ZHX3: variants seen among roughly 807,000 people sequenced by gnomAD.
ZHX3 encodes the protein zinc fingers and homeoboxes 3.
ZHX3 carries 20 observed loss-of-function variants against 64.5 expected under a neutral mutation model. The observed-to-expected ratio is 0.31, with a 90% CI of 0.22 to 0.45. ZHX3 has a LOEUF of 0.45. Ranked by LOEUF, ZHX3 falls within the 20% of genes least tolerant of loss-of-function variation. The probability of loss-of-function intolerance (pLI) is 1.00; values close to 1 mark genes in which losing one functional copy is unlikely to be tolerated. For synonymous variants in ZHX3, 423 were observed against 461.6 expected, an observed-to-expected ratio of 0.92 and a Z score of 1.07; for missense variants, 1,041 against 1,195.8, an observed-to-expected ratio of 0.87 and a Z score of 1.91.
intron 3 of ZHX3, among the ~76,000 whole-genome samples, chr20:41,191,223 T>C (rs1179805168): frequency 7.2e-6 from 1 of 139,470 alleles, no homozygotes; most frequent in Non-Finnish European, 1.5e-5. Context: ...CTTTGCTCAT[T>C]TTTTATTCTT....
intron 2 of ZHX3, among the ~76,000 whole-genome samples, chr20:41,263,719 GAAAT>G (rs2042681628): frequency 6.6e-6 from 1 of 151,972 alleles, no homozygotes; most frequent in South Asian, 2.1e-4. Flanking sequence ...TTTTAAAAAA[GAAAT>G]AAATTAGATA....
In ZHX3 at chr20:41,232,775, C is replaced by T. The variant is rs1035977791; in HGVS notation, c.-150-27709G>A. On this transcript the variant is annotated intron_variant, in intron 2 of 3. Coordinates refer to ENST00000683867, the MANE Select transcript of ZHX3 (RefSeq NM_001384317.1). The surrounding 1 kb of genome is among the most constrained non-coding windows in gnomAD (Gnocchi z 5.0). ...TAATTTTTTGTATTTTTAGTAGAGA[C>T]GGGGTTTCACCGTGTTAGCCAGGAT... Among the ~76,000 whole-genome samples, 8 of 151,794 alleles carry T rather than the reference C, an allele frequency of 5.3e-5. No homozygotes were observed. The highest frequency in any genetic ancestry group is 3.9e-4 in the East Asian group (2 of 5,170).
chr20:41,218,923 G>GTTTT (rs888061526), intron 2 of ZHX3, among the ~76,000 whole-genome samples: 202 of 92,584 alleles, frequency 2.2e-3, no homozygotes, highest in Non-Finnish European at 2.3e-3. Flanking sequence ...AAACAGTGCT[G>GTTTT]TTTTTTTTTT....
At chr20:41,225,082 T>C (rs1293157253) in intron 2 of ZHX3, among the ~76,000 whole-genome samples, 1 of 152,238 alleles carries the variant, frequency 6.6e-6, no homozygotes, top group Admixed American at 6.5e-5. Flanking sequence ...AAACGGTAGC[T>C]GATAATGGAG....
At chr20:41,192,442 C>T (rs1053160668) in intron 3 of ZHX3, among the ~76,000 whole-genome samples, 1 of 152,226 alleles carries the variant, frequency 6.6e-6, no homozygotes, top group African/African-American at 2.4e-5. Context: ...AGTGGCAGTG[C>T]TGTACTACTA....
intron 2 of ZHX3, among the ~76,000 whole-genome samples, chr20:41,266,086 G>C (rs1361048843): frequency 1.3e-5 from 2 of 152,192 alleles, no homozygotes; most frequent in African/African-American, 4.8e-5. Context: ...CTGCATACCT[G>C]TATGAGGTCA....
At chr20:41,265,704 T>G (rs2042810576) in intron 2 of ZHX3, among the ~76,000 whole-genome samples, 1 of 152,180 alleles carries the variant, frequency 6.6e-6, no homozygotes. Context: ...TGAGGTGATT[T>G]TAATGTGTAG....
chr20:41,237,529 C>G (rs920774926), intron 2 of ZHX3, among the ~76,000 whole-genome samples: 1 of 152,078 alleles, frequency 6.6e-6, no homozygotes, highest in Non-Finnish European at 1.5e-5. Context: ...AACCAAACAC[C>G]GCATGTTCTC....
In ZHX3 at chr20:41,231,573, A is replaced by T. The variant is rs556192711; in HGVS notation, c.-150-26507T>A. Among the ~76,000 whole-genome samples the T allele has an allele frequency of 4.6e-5, 7 of 152,304 alleles. 1 individual carries two copies. In the South Asian group the frequency reaches 1.5e-3, roughly 32 times the overall value. On this transcript the variant is annotated intron_variant, in intron 2 of 3. Coordinates refer to ENST00000683867, the MANE Select transcript of ZHX3 (RefSeq NM_001384317.1). Reference sequence around the variant, plus strand: ...ACATTCTACCTTATAATTTTTTTGTATGTGGCTGACTTTCTCTCCAGATTG... The same window carrying T: ...ACATTCTACCTTATAATTTTTTTGTTTGTGGCTGACTTTCTCTCCAGATTG...
chr20:41,299,674 C>T (rs982126397), intron 1 of ZHX3, among the ~76,000 whole-genome samples: 1 of 152,028 alleles, frequency 6.6e-6, no homozygotes, highest in Non-Finnish European at 1.5e-5. Flanking sequence ...CCAGCTTTGC[C>T]AACACGGCGA....
chr20:41,291,252 T>C (rs551041784), intron 1 of ZHX3, among the ~76,000 whole-genome samples: 3 of 152,222 alleles, frequency 2.0e-5, no homozygotes, highest in East Asian at 1.9e-4. Context: ...GTAATCCATA[T>C]AGAAAGAGAA....
chr20:41,199,702 CTTTTT>C (rs34316877), intron 3 of ZHX3, among the ~76,000 whole-genome samples: 1 of 136,752 alleles, frequency 7.3e-6, no homozygotes. Flanking sequence ...TCAAAAAACT[CTTTTT>C]TTTTTTTTTT....
Position 41,185,226 on chromosome 20 carries a change from A to AC in ZHX3, c.2861-26dup. On this transcript the variant is annotated intron_variant, in intron 3 of 3. Coordinates refer to ENST00000683867, the MANE Select transcript of ZHX3 (RefSeq NM_001384317.1). This position sits in a 1 kb window ranked among gnomAD's most constrained non-coding sequence, Gnocchi z 5.0. ...TCTGAGAAGAAAACACATGCCTGTC[A>AC]CTCTACGGCAGCTGCCACCACCTGC... 1 of 1,586,096 alleles carries AC rather than the reference A, an allele frequency of 6.3e-7. No individual in the cohort carries two copies. Among genetic ancestry groups the AC allele is most frequent in the Non-Finnish European group, 8.6e-7 (1 of 1,163,370 alleles).
intron 2 of ZHX3, among the ~76,000 whole-genome samples, chr20:41,257,697 C>T (rs1448468180): frequency 2.6e-5 from 4 of 151,108 alleles, no homozygotes; most frequent in South Asian, 2.1e-4. Flanking sequence ...CTGCAACCTC[C>T]GCCTGCCAGC....
chr20:41,253,420 T>C (rs1391022365), intron 2 of ZHX3, among the ~76,000 whole-genome samples: 3 of 152,242 alleles, frequency 2.0e-5, no homozygotes, highest in Admixed American at 1.3e-4. Context: ...CCATTTAATA[T>C]TCCTACCTTG....
At chr20:41,187,949 G>C (rs1423773914) in intron 3 of ZHX3, among the ~76,000 whole-genome samples, 1 of 152,088 alleles carries the variant, frequency 6.6e-6, no homozygotes, top group African/African-American at 2.4e-5. Flanking sequence ...TAGCTACTTT[G>C]AAATATACAA....
intron 2 of ZHX3, among the ~76,000 whole-genome samples, chr20:41,218,768 A>G (rs2039726953): frequency 6.6e-6 from 1 of 152,030 alleles, no homozygotes; most frequent in East Asian, 1.9e-4. Context: ...TCAAGTCTAA[A>G]TCCTCAAATG....
chr20:41,247,905 T>G (rs1415877758), intron 2 of ZHX3, among the ~76,000 whole-genome samples: 3 of 152,196 alleles, frequency 2.0e-5, no homozygotes, highest in African/African-American at 4.8e-5. Flanking sequence ...CACATCTTCC[T>G]ACCTCAACTC....
intron 1 of ZHX3, among the ~76,000 whole-genome samples, chr20:41,288,210 G>A (rs1034687806): frequency 6.6e-6 from 1 of 152,126 alleles, no homozygotes; most frequent in Non-Finnish European, 1.5e-5. Flanking sequence ...TGCACAGATA[G>A]GGTTTTGCCA....
Sources: allele counts gnomAD v4.1 joint callset (sites outside exome capture counted in the v4.1 genomes callset), GRCh38; gene constraint gnomAD v4.1.1; non-coding constraint Gnocchi (gnomAD v3.1); transcripts MANE v1.5; gene names NCBI Gene and HGNC (gene_info 2026-07-23, HGNC 2026-07-21).